Variants in KIF26B observed in about 807,000 individuals in gnomAD.
The protein encoded by KIF26B is kinesin family member 26B.
In KIF26B, 63 loss-of-function variants were observed where a neutral mutation model predicts 151.2. That is an observed-to-expected ratio of 0.42 (90% CI 0.34 to 0.51). The LOEUF (loss-of-function observed/expected upper bound fraction) is 0.51, where lower values mean the gene tolerates loss of function less well. Ranked by LOEUF, KIF26B falls within the 20% of genes least tolerant of loss-of-function variation. The pLI, the probability that KIF26B is intolerant of heterozygous loss-of-function variation, is 0.07. For synonymous variants in KIF26B, 1,357 were observed against 1,262.1 expected, an observed-to-expected ratio of 1.08 and a Z score of -1.59; for missense variants, 2,813 against 2,913.6, an observed-to-expected ratio of 0.97 and a Z score of 0.79.
chr1:245,261,167 T>C (rs1670630768), intron 2 of KIF26B, among the ~76,000 whole-genome samples: 1 of 151,698 alleles, frequency 6.6e-6, no homozygotes, highest in Admixed American at 6.6e-5. Context: ...TCTTTTTTGA[T>C]GGAGTTTCAC....
rs528606068 is a variant in KIF26B at position 245,660,006 on chromosome 1, G to A, written c.2258+13726G>A. ...GGAGGTTGCAGTGAGCCGAGATCACGCCATTGCACTCCAGCCTGGGCAACA... is the reference window on the plus strand; with the variant it reads ...GGAGGTTGCAGTGAGCCGAGATCACACCATTGCACTCCAGCCTGGGCAACA... On this transcript the variant is annotated intron_variant, in intron 10 of 14. Transcript: ENST00000407071. Among the ~76,000 whole-genome samples, 183 of 151,876 alleles carry A rather than the reference G, an allele frequency of 1.2e-3. 1 individual carries two copies. The highest frequency in any genetic ancestry group is 1.6e-4 in the Non-Finnish European group (11 of 67,962).
At chr1:245,645,998 T>G in intron 9 of KIF26B, 123 bp from the exon 10 acceptor site, 1 of 1,040,056 alleles carries the variant, frequency 9.6e-7, no homozygotes, top group Non-Finnish European at 1.4e-6. Flanking sequence ...TAGTAGGTCA[T>G]GAACGTCAAC....
intron 5 of KIF26B, among the ~76,000 whole-genome samples, chr1:245,551,977 A>G (rs1178918196): frequency 6.6e-6 from 1 of 152,170 alleles, no homozygotes; most frequent in Non-Finnish European, 1.5e-5. Context: ...TAACGAATGT[A>G]AGCTCCATGA....
At chr1:245,173,351 TGTTA>T (rs1558333600) in intron 2 of KIF26B, among the ~76,000 whole-genome samples, 9 of 148,224 alleles carry the variant, frequency 6.1e-5, no homozygotes, top group African/African-American at 2.1e-4. Flanking sequence ...GAGAGGTCAA[TGTTA>T]TGTTGTTTTA....
At chr1:245,242,869 C>T (rs1024890400) in intron 2 of KIF26B, among the ~76,000 whole-genome samples, 11 of 152,120 alleles carry the variant, frequency 7.2e-5, no homozygotes, top group Admixed American at 2.6e-4. Flanking sequence ...TCAGGCTGGT[C>T]TCGAACTCCT....
intron 3 of KIF26B, among the ~76,000 whole-genome samples, chr1:245,388,075 G>T (rs971652884): frequency 1.3e-5 from 2 of 152,222 alleles, no homozygotes; most frequent in Non-Finnish European, 2.9e-5. Context: ...ATCTCTGGGA[G>T]ACGAGCGCTG....
chr1:245,180,869 T>C (rs935073453), intron 2 of KIF26B, among the ~76,000 whole-genome samples: 1 of 152,302 alleles, frequency 6.6e-6, no homozygotes, highest in South Asian at 2.1e-4. Context: ...GGGGCCTTGC[T>C]CTGTCACCCT....
intron 2 of KIF26B, among the ~76,000 whole-genome samples, chr1:245,238,686 C>A (rs1670158123): frequency 6.6e-6 from 1 of 152,024 alleles, no homozygotes. Context: ...CATGGCAAAA[C>A]CCCATCTCTA....
chr1:245,610,403 G>T (rs181988941), intron 8 of KIF26B, among the ~76,000 whole-genome samples: 43 of 152,158 alleles, frequency 2.8e-4, no homozygotes, highest in Middle Eastern at 3.4e-3. Context: ...CTGATCGCTG[G>T]GCACCCCCCC....
chr1:245,546,205 G>T lies in KIF26B; in HGVS notation c.1350+5255G>T, dbSNP rs1207239233. The stretch of plus-strand genomic sequence containing the variant: ...TGTGGTTTTTTGTTTGTTTGGTTTT[G>T]GTTTTGTTTTTTTTGTTTTTTGTTT... On this transcript the variant is annotated intron_variant, in intron 5 of 14. Transcript: ENST00000407071. Among the ~76,000 whole-genome samples the T allele has an allele frequency of 2.0e-5, 3 of 152,028 alleles. No individual in the cohort carries two copies. The East Asian group carries it at 5.8e-4, about 29-fold the overall frequency.
intron 10 of KIF26B, among the ~76,000 whole-genome samples, chr1:245,677,045 T>C (rs1558264904): frequency 6.6e-6 from 1 of 152,212 alleles, no homozygotes; most frequent in Non-Finnish European, 1.5e-5. Context: ...GGTTCTACAG[T>C]GTTTCATAAA....
intron 2 of KIF26B, among the ~76,000 whole-genome samples, chr1:245,277,305 G>A (rs1265831438): frequency 6.6e-6 from 1 of 152,216 alleles, no homozygotes; most frequent in Non-Finnish European, 1.5e-5. Context: ...CTAGGAGGAG[G>A]ATTTTAGACC....
chr1:245,509,428 G>C (rs1298699670), intron 4 of KIF26B, among the ~76,000 whole-genome samples: 1 of 152,190 alleles, frequency 6.6e-6, no homozygotes, highest in African/African-American at 2.4e-5. Flanking sequence ...CACGTGTAGT[G>C]ATTCTTCTCC....
At chr1:245,675,407 T>G (rs2044346358) in intron 10 of KIF26B, among the ~76,000 whole-genome samples, 1 of 152,188 alleles carries the variant, frequency 6.6e-6, no homozygotes, top group African/African-American at 2.4e-5. Context: ...ACCATATGAC[T>G]ATCAGGTATG....
At chr1:245,449,740 A>G (rs557502984) in intron 4 of KIF26B, among the ~76,000 whole-genome samples, 1 of 152,336 alleles carries the variant, frequency 6.6e-6, no homozygotes, top group East Asian at 1.9e-4. Flanking sequence ...CTTTAAAACC[A>G]TCATTTGAAT....
At chr1:245,582,639 T>G (rs1162624350) in intron 5 of KIF26B, among the ~76,000 whole-genome samples, 1 of 152,178 alleles carries the variant, frequency 6.6e-6, no homozygotes, top group Non-Finnish European at 1.5e-5. Flanking sequence ...GGATTTATGC[T>G]TATCGTCTGT....
At chr1:245,405,027 A>C (rs1208940398) in intron 3 of KIF26B, among the ~76,000 whole-genome samples, 1 of 152,262 alleles carries the variant, frequency 6.6e-6, no homozygotes, top group African/African-American at 2.4e-5. Flanking sequence ...ATGAAAACAC[A>C]CACATGTAAA....
chr1:245,302,725 T>A (rs186763180), intron 2 of KIF26B, among the ~76,000 whole-genome samples: 1 of 152,176 alleles, frequency 6.6e-6, no homozygotes, highest in East Asian at 1.9e-4. Context: ...GTGCGGTGGC[T>A]CACACCTGTA....
intron 2 of KIF26B, among the ~76,000 whole-genome samples, chr1:245,245,606 C>A (rs916280999): frequency 1.3e-5 from 2 of 152,082 alleles, no homozygotes; most frequent in Admixed American, 1.3e-4. Context: ...GCCTGGCCAA[C>A]ATGGTGAAAC....
Sources: gnomAD v4.1 joint callset for allele counts (sites outside exome capture counted in the v4.1 genomes callset) on GRCh38, gnomAD v4.1.1 for gene constraint, MANE v1.5 for transcripts, NCBI Gene and HGNC (gene_info 2026-07-23, HGNC 2026-07-21) for gene names.